Variants in KCNH8 observed in about 807,000 individuals in gnomAD.
KCNH8 encodes the protein voltage-gated delayed rectifier potassium channel KCNH8.
Under a neutral mutation model 103.6 loss-of-function variants are expected in KCNH8, and 70 were observed. The ratio of observed to expected loss-of-function variants is 0.68; its 90% CI spans 0.56 to 0.82. KCNH8 has a LOEUF of 0.82. Among genes scored for constraint, KCNH8 ranks in the 40% least tolerant of loss-of-function variants. The pLI is 0.00. For missense variants in KCNH8, 1,217 were observed against 1,329.9 expected, an observed-to-expected ratio of 0.92 and a Z score of 1.32; for synonymous variants, 498 against 489.4, an observed-to-expected ratio of 1.02 and a Z score of -0.23.
chr3:19,470,838 C>T (rs994042769), intron 11 of KCNH8, among the ~76,000 whole-genome samples: 1 of 152,138 alleles, frequency 6.6e-6, no homozygotes, highest in African/African-American at 2.4e-5. Flanking sequence ...GAAACCCAAT[C>T]CCTTATAAAA....
chr3:19,420,876 T>C (rs1319803936), intron 7 of KCNH8, among the ~76,000 whole-genome samples: 13 of 152,212 alleles, frequency 8.5e-5, no homozygotes, highest in Admixed American at 6.5e-4. Flanking sequence ...CTGTGATTTC[T>C]CCATCAACAA....
intron 3 of KCNH8, among the ~76,000 whole-genome samples, chr3:19,339,922 C>G (rs535803724): frequency 1.4e-4 from 22 of 151,996 alleles, no homozygotes; most frequent in Non-Finnish European, 2.2e-4. Context: ...GTCCCGAACA[C>G]TGATTGAAGT....
intron 5 of KCNH8, among the ~76,000 whole-genome samples, chr3:19,367,057 C>T (rs7640623): frequency 0.37 from 56,281 of 151,554 alleles, 11,314 homozygotes; most frequent in African/African-American, 0.52. Flanking sequence ...TCCTTTTCTC[C>T]ATCACCACTT....
At chr3:19,490,586 G>A (rs1183396949) in intron 11 of KCNH8, among the ~76,000 whole-genome samples, 1 of 152,214 alleles carries the variant, frequency 6.6e-6, no homozygotes, top group Non-Finnish European at 1.5e-5. Flanking sequence ...AGGCCCCAGG[G>A]TGTGGCACCG....
At chr3:19,238,308 A>G (rs1220912413) in intron 1 of KCNH8, among the ~76,000 whole-genome samples, 1 of 152,196 alleles carries the variant, frequency 6.6e-6, no homozygotes, top group East Asian at 1.9e-4. Flanking sequence ...TGTTTCCTGG[A>G]CAAACCTAGA....
intron 11 of KCNH8, among the ~76,000 whole-genome samples, chr3:19,491,642 A>G (rs1211078923): frequency 1.3e-5 from 2 of 152,216 alleles, no homozygotes; most frequent in African/African-American, 2.4e-5. Flanking sequence ...TAGTGCAGCA[A>G]TGAACATATG....
intron 1 of KCNH8, among the ~76,000 whole-genome samples, chr3:19,151,519 G>A (rs1423013351): frequency 2.0e-5 from 3 of 152,016 alleles, no homozygotes; most frequent in Non-Finnish European, 4.4e-5. Context: ...CCAACATGCA[G>A]TATTATTATT....
intron 1 of KCNH8, among the ~76,000 whole-genome samples, chr3:19,191,731 G>A (rs1023976622): frequency 6.6e-6 from 1 of 151,678 alleles, no homozygotes; most frequent in African/African-American, 2.4e-5. Flanking sequence ...ATTCTGCGGG[G>A]AGGTCCCACT....
At chr3:19,181,874 A>C (rs1319712262) in intron 1 of KCNH8, among the ~76,000 whole-genome samples, 2 of 152,212 alleles carry the variant, frequency 1.3e-5, no homozygotes, top group Non-Finnish European at 2.9e-5. Context: ...ACTGGACAAG[A>C]ATAGTAATAA....
At chr3:19,287,108 A>G (rs1375295281) in intron 3 of KCNH8, among the ~76,000 whole-genome samples, 1 of 136,674 alleles carries the variant, frequency 7.3e-6, no homozygotes, top group Non-Finnish European at 1.5e-5. Flanking sequence ...ATGGTAATGC[A>G]AAAAAAAAAA....
At chr3:19,318,283 T>C (rs2065301227) in intron 3 of KCNH8, among the ~76,000 whole-genome samples, 1 of 151,826 alleles carries the variant, frequency 6.6e-6, no homozygotes, top group Non-Finnish European at 1.5e-5. Flanking sequence ...TATTTTATTT[T>C]ATTTATTTCA....
At chr3:19,367,760 C>T (rs1049255588) in intron 5 of KCNH8, among the ~76,000 whole-genome samples, 1 of 151,842 alleles carries the variant, frequency 6.6e-6, no homozygotes, top group African/African-American at 2.4e-5. Context: ...AATTTTTAAA[C>T]AGCACAGCCT....
chr3:19,499,172 C>G (rs1199526506), intron 11 of KCNH8, among the ~76,000 whole-genome samples: 2 of 152,004 alleles, frequency 1.3e-5, no homozygotes, highest in East Asian at 3.8e-4. Flanking sequence ...ATGCGATCAA[C>G]TGGAAGAAAG....
intron 1 of KCNH8, among the ~76,000 whole-genome samples, chr3:19,233,155 A>G (rs1039987062): frequency 4.1e-5 from 6 of 144,902 alleles, no homozygotes; most frequent in African/African-American, 1.5e-4. Context: ...GTTGAAAATA[A>G]CTTTGATTTG....
chr3:19,360,037 A>T (rs2065928340), intron 5 of KCNH8, among the ~76,000 whole-genome samples: 1 of 152,072 alleles, frequency 6.6e-6, no homozygotes, highest in Non-Finnish European at 1.5e-5. Flanking sequence ...TTAAGTGATT[A>T]CTCCAGAATT....
intron 5 of KCNH8, among the ~76,000 whole-genome samples, chr3:19,364,681 T>C (rs918319450): frequency 1.3e-5 from 2 of 152,096 alleles, no homozygotes; most frequent in Non-Finnish European, 2.9e-5. Context: ...TGTCAGAATA[T>C]CTTGGTGGGA....
chr3:19,388,697 A>G (rs1450188486), intron 5 of KCNH8, among the ~76,000 whole-genome samples: 2 of 152,104 alleles, frequency 1.3e-5, no homozygotes, highest in East Asian at 3.9e-4. Flanking sequence ...TAGAACAACA[A>G]TTGTTTTCTT....
At chr3:19,194,931 A>G (rs991494066) in intron 1 of KCNH8, among the ~76,000 whole-genome samples, 14 of 152,076 alleles carry the variant, frequency 9.2e-5, no homozygotes, top group East Asian at 1.9e-4. Context: ...GAATTGCCCA[A>G]TTATCTAAAA....
intron 2 of KCNH8, among the ~76,000 whole-genome samples, chr3:19,279,442 A>G (rs1255141526): frequency 6.6e-6 from 1 of 152,046 alleles, no homozygotes; most frequent in African/African-American, 2.4e-5. Flanking sequence ...CTATCGTTTC[A>G]TGGCTAGTTA....
Sources: allele counts gnomAD v4.1 joint callset (sites outside exome capture counted in the v4.1 genomes callset), GRCh38; gene constraint gnomAD v4.1.1; transcripts MANE v1.5; gene names NCBI Gene and HGNC (gene_info 2026-07-23, HGNC 2026-07-21).